Variants in SMTN observed in about 807,000 individuals in gnomAD.
SMTN encodes the protein smoothelin.
In SMTN, 58 loss-of-function variants were observed where a neutral mutation model predicts 102.0. That is an observed-to-expected ratio of 0.57 (90% CI 0.46 to 0.71). The LOEUF (loss-of-function observed/expected upper bound fraction) is 0.71. Among genes scored for constraint, SMTN ranks in the 30% least tolerant of loss-of-function variants. The probability of loss-of-function intolerance (pLI) is 0.00; values close to 1 mark genes in which losing one functional copy is unlikely to be tolerated. For synonymous variants in SMTN, 478 were observed against 497.9 expected (o/e 0.96, Z 0.53); for missense variants, 1,185 against 1,241.7 (o/e 0.95, Z 0.69).
chr22:31,088,344 A>G, intron 3 of SMTN, 169 bp from the exon 4 acceptor site: 1 of 751,690 alleles, frequency 1.3e-6, no homozygotes, highest in Admixed American at 2.6e-5. Context: ...GTGTGGTATT[A>G]GTGCCCACGT....
chr22:31,069,276 T>C (rs1334561732), intron 1 of SMTN, among the ~76,000 whole-genome samples: 1 of 152,080 alleles, frequency 6.6e-6, no homozygotes, highest in Non-Finnish European at 1.5e-5. Context: ...TGGTGGTAAT[T>C]AGGCCACTCT....
chr22:31,071,239 C>CAA lies in SMTN; in HGVS notation c.-386+7067_-386+7068dup, dbSNP rs60870558. Among the ~76,000 whole-genome samples the CAA allele has an allele frequency of 2.6e-4, 30 of 115,562 alleles. 1 individual carries two copies. The highest frequency in any genetic ancestry group is 4.2e-3 in the Middle Eastern group (1 of 236). The allele number at this position is 115,562 out of a possible 152,430, so 75.8% of individuals were successfully genotyped here. ...TGTGCAACAGAGCTACACCCTGTCT[C>CAA]AAAAAAAAAAAAAAAAGCAATAATG... On this transcript the variant is annotated intron_variant, in intron 1 of 3. Coordinates refer to the SMTN transcript ENST00000422839.
At chr22:31,094,529 G>T (rs1373211671) in intron 11 of SMTN, among the ~76,000 whole-genome samples, 1 of 152,218 alleles carries the variant, frequency 6.6e-6, no homozygotes, top group Non-Finnish European at 1.5e-5. Context: ...CTGGGAGGGG[G>T]CTGGGAACAA....
rs1283011477 is a variant in SMTN at position 31,097,344 on chromosome 22, C to T, written c.2159+6C>T. ...TCATCCAAGAAGATGGGCAGGTGAGCACCAGCACCCAATCCCTGACCATAG... is the reference window on the plus strand; with the variant it reads ...TCATCCAAGAAGATGGGCAGGTGAGTACCAGCACCCAATCCCTGACCATAG... On this transcript the variant is annotated splice_donor_region_variant and intron_variant, in intron 16 of 20. Coordinates refer to ENST00000333137, the MANE Select transcript of SMTN (RefSeq NM_134269.3). The T allele has an allele frequency of 5.0e-6, 8 of 1,612,908 alleles. No individual in the cohort carries two copies. The highest frequency in any genetic ancestry group is 6.8e-6 in the Non-Finnish European group (8 of 1,179,064).
Position 31,096,783 on chromosome 22 carries a change from C to A in SMTN, c.1912C>A (p.Pro638Thr). Residue 638 changes from proline (P) to threonine (T), a missense_variant, in exon 14 of 21, where the codon CCA (proline) becomes ACA (threonine). Physicochemically the swap from Pro to Thr is conservative, Grantham distance 38 (BLOSUM62 -1). Coordinates refer to ENST00000333137, the MANE Select transcript of SMTN (RefSeq NM_134269.3). ...ERRLQEARGRPGEGRGNTATE... is the reference protein window; with the variant it reads ...ERRLQEARGRTGEGRGNTATE... ...GCGGCTGCAGGAGGCACGGGGCCGG[C>A]CAGGGGAGGGGCGCGGCAACACAGC... The A allele has an allele frequency of 7.7e-6, 12 of 1,565,348 alleles. No homozygotes were observed. The highest frequency in any genetic ancestry group is 1.4e-5 in the African/African-American group (1 of 74,016).
Position 31,090,819 on chromosome 22 carries a change from C to A in SMTN, c.877C>A (p.Pro293Thr), listed in dbSNP as rs764325576. ...SDTKRADVAG[P>T]RPCQRSLSVL... ...CCCCAACCTGCCAGACGTGGCTGGA[C>A]CCCGACCCTGCCAACGCTCCCTGTC... Residue 293 changes from proline to threonine, a missense_variant, in exon 9 of 21, where the codon CCC becomes ACC. By Grantham distance (38) the Pro-to-Thr change is conservative. This residue lies in a region of SMTN where 1,096 missense variants were observed against 1,112.7 expected (regional missense o/e 0.98). Transcript: ENST00000333137. The A allele has an allele frequency of 5.0e-6, 8 of 1,613,564 alleles. No individual in the cohort carries two copies. The Admixed American group carries it at 1.2e-4, about 24-fold the overall frequency.
At chr22:31,100,198 C>G (rs2043961466) in intron 19 of SMTN, among the ~76,000 whole-genome samples, 1 of 152,150 alleles carries the variant, frequency 6.6e-6, no homozygotes, top group African/African-American at 2.4e-5. Context: ...CTCTCTCTCC[C>G]TTTCTCTGTC....
chr22:31,087,870 G>A, intron 2 of SMTN, 95 bp from the exon 3 acceptor site: 1 of 1,354,472 alleles, frequency 7.4e-7, no homozygotes, highest in Non-Finnish European at 9.9e-7. Flanking sequence ...AGTGGACACA[G>A]GCCACACATT....
chr22:31,070,923 CAAA>C (rs111579063), intron 1 of SMTN, among the ~76,000 whole-genome samples: 19 of 104,442 alleles, frequency 1.8e-4, no homozygotes, highest in Non-Finnish European at 2.1e-4. Flanking sequence ...AACTCTGTCT[CAAA>C]AAAAAAAAAA....
Position 31,082,893 on chromosome 22 carries a change from G to A in SMTN, c.-80-286G>A, listed in dbSNP as rs1333383764. On this transcript the variant is annotated intron_variant, in intron 1 of 20. Transcript: ENST00000333137. ...CCCTGGCTTCTCAATCCAGGTCCCT[G>A]CCCTCCCTGTTTTGAGGTTTAGACA... The A allele has an allele frequency of 2.6e-6, 4 of 1,547,404 alleles. No homozygotes were observed. The Admixed American group carries it at 7.9e-5, about 30-fold the overall frequency.
chr22:31,083,014 AGCAAACCACCCTAGG>A (rs1156937080), intron 1 of SMTN, 150 bp from the exon 2 acceptor site: 1 of 1,424,006 alleles, frequency 7.0e-7, no homozygotes, highest in South Asian at 1.2e-5. Flanking sequence ...TGAGTTTTCC[AGCAAACCACCCTAGG>A]GCAGAGGGCA....
intron 16 of SMTN, 84 bp from the exon 17 acceptor site, chr22:31,098,582 AC>A: frequency 4.6e-6 from 6 of 1,298,338 alleles, no homozygotes; most frequent in South Asian, 2.7e-5. Flanking sequence ...GTGCTACAAG[AC>A]CCCCCCTCCT....
At chr22:31,088,202 G>T (rs76819348) in intron 3 of SMTN, 89 bp downstream of exon 3, 56,163 of 1,399,988 alleles carry the variant, frequency 0.04, 1,350 homozygotes, top group Middle Eastern at 0.091. Context: ...GAGCACAAGT[G>T]TATCTGTGGA....
chr22:31,091,667 C>G lies in SMTN; in HGVS notation c.1460-8C>G. On this transcript the variant is annotated splice_polypyrimidine_tract_variant and splice_region_variant and intron_variant, in intron 10 of 20. Transcript: ENST00000333137. Reference sequence around the variant, plus strand: ...ATCCTCCTGACAGCCACCTTTCTCCCCACTCAGAACTGACACTGGGGCTGC... The same window carrying G: ...ATCCTCCTGACAGCCACCTTTCTCCGCACTCAGAACTGACACTGGGGCTGC... 1 of 1,576,110 alleles carries G rather than the reference C, an allele frequency of 6.3e-7. No individual in the cohort carries two copies. Among genetic ancestry groups the G allele is most frequent in the Non-Finnish European group, 8.6e-7 (1 of 1,156,680 alleles).
intron 4 of SMTN, 45 bp from the exon 5 acceptor site, chr22:31,088,654 C>T: frequency 6.2e-7 from 1 of 1,612,050 alleles, no homozygotes; most frequent in Non-Finnish European, 8.5e-7. Context: ...AGGTGAAGAC[C>T]TGGACTCCAC....
chr22:31,104,274 G>T, intron 20 of SMTN, 42 bp from the exon 21 acceptor site: 1 of 1,601,260 alleles, frequency 6.2e-7, no homozygotes, highest in East Asian at 2.2e-5. Flanking sequence ...CACGAGAGGC[G>T]GGTCTGGCGC....
At position 31,095,522 on chromosome 22, in the gene SMTN, C is replaced by T. The variant is rs768803689; in HGVS notation, c.1786-12C>T. On this transcript the variant is annotated splice_polypyrimidine_tract_variant and intron_variant, in intron 12 of 20. Transcript: ENST00000333137. The surrounding 1 kb of genome is among the most constrained non-coding windows in gnomAD (Gnocchi z 4.1). ...CAGGCACCAGGTAGGCAATGATGGG[C>T]TCTATATGCAGCTGGATCAGAGCAC... 1 of 1,614,152 alleles carries T rather than the reference C, an allele frequency of 6.2e-7. No individual in the cohort carries two copies. Among genetic ancestry groups the T allele is most frequent in the Non-Finnish European group, 8.5e-7 (1 of 1,179,998 alleles).
intron 1 of SMTN, chr22:31,082,781 G>C (rs1324397957): frequency 7.0e-5 from 94 of 1,335,336 alleles, no homozygotes; most frequent in Non-Finnish European, 9.2e-5. Context: ...GGCTGGGTAG[G>C]CCCTGTGGAT....
Position 31,091,359 on chromosome 22 carries a change from G to A in SMTN, c.1336G>A (p.Val446Met), listed in dbSNP as rs540090792. ...RSEEPGAPLP[V>M]AVGTAEPGGS... ...AGAGGAGCCTGGTGCCCCGCTGCCC[G>A]TGGCCGTCGGCACTGCCGAGCCAGG... Residue 446 changes from valine (V) to methionine (M), a missense_variant, in exon 10 of 21, where the codon GTG becomes ATG. Coordinates refer to ENST00000333137, the MANE Select transcript of SMTN (RefSeq NM_134269.3). 2.4e-5 allele frequency: 39 copies of A among 1,605,476 alleles called. No homozygotes were observed. Among genetic ancestry groups the A allele is most frequent in the African/African-American group, 1.1e-4 (8 of 74,878 alleles).
Sources: allele counts gnomAD v4.1 joint callset (sites outside exome capture counted in the v4.1 genomes callset), GRCh38; gene constraint gnomAD v4.1.1; regional missense constraint gnomAD v4.1.1; non-coding constraint Gnocchi (gnomAD v3.1); transcripts MANE v1.5; gene names NCBI Gene and HGNC (gene_info 2026-07-23, HGNC 2026-07-21).